HIPK3: variants seen among roughly 807,000 people sequenced by gnomAD.
HIPK3 encodes homeodomain interacting protein kinase 3.
In HIPK3, 47 loss-of-function variants were observed where a neutral mutation model predicts 124.2. The observed-to-expected ratio is 0.38, with a 90% CI of 0.30 to 0.48. The LOEUF (loss-of-function observed/expected upper bound fraction) is 0.48. Among genes scored for constraint, HIPK3 ranks in the 20% least tolerant of loss-of-function variants. HIPK3 has a pLI of 0.98. For missense variants in HIPK3, 1,286 were observed against 1,454.3 expected (o/e 0.88, Z 1.88); for synonymous variants, 482 against 515.2 (o/e 0.94, Z 0.87).
At chr11:33,267,658 TA>T (rs990348691) in intron 1 of HIPK3, among the ~76,000 whole-genome samples, 2 of 151,938 alleles carry the variant, frequency 1.3e-5, no homozygotes, top group Admixed American at 1.3e-4. Flanking sequence ...CACGCCCAGC[TA>T]AAATCTTTTT....
chr11:33,295,274 A>ACC (rs1359081985), intron 2 of HIPK3, among the ~76,000 whole-genome samples: 33 of 104,548 alleles, frequency 3.2e-4, no homozygotes, highest in African/African-American at 4.3e-4. Context: ...AGCAGCCACC[A>ACC]CCGCCCCCCC....
rs1340835303 is a variant in HIPK3, at chr11:33,355,823, A to G, written c.*2255A>G. 1 of 151,784 alleles carries G rather than the reference A, an allele frequency of 6.6e-6. No homozygotes were observed. Among genetic ancestry groups the G allele is most frequent in the Non-Finnish European group, 1.5e-5 (1 of 67,838 alleles). The allele number at this position is 151,784 out of a possible 1,614,324, so 9.4% of individuals were successfully genotyped here. On this transcript the variant is annotated 3_prime_UTR_variant, in exon 17 of 17. Transcript: ENST00000303296. ...TAGTAATTAATTCTATGCATTTTATACAAATAGAAATATATATATATAAAA... is the reference window on the plus strand; with the variant it reads ...TAGTAATTAATTCTATGCATTTTATGCAAATAGAAATATATATATATAAAA...
chr11:33,341,723 A>G (rs532725021), intron 8 of HIPK3, 37 bp downstream of exon 8: 8 of 1,545,220 alleles, frequency 5.2e-6, no homozygotes, highest in African/African-American at 2.8e-5. Context: ...GAATCTAGGC[A>G]TGCTTTATTT....
chr11:33,347,494 T>C, intron 9 of HIPK3, 80 bp downstream of exon 9: 1 of 1,594,776 alleles, frequency 6.3e-7, no homozygotes, highest in Non-Finnish European at 8.6e-7. Flanking sequence ...AGGGATTTAA[T>C]CCATTTTGTA....
chr11:33,311,207 G>C (rs1565078662), intron 2 of HIPK3, among the ~76,000 whole-genome samples: 4 of 151,984 alleles, frequency 2.6e-5, no homozygotes, highest in Admixed American at 1.3e-4. Flanking sequence ...GTTTTTTTGA[G>C]ATGAAGTCTT....
chr11:33,292,484 G>A, intron 2 of HIPK3, among the ~76,000 whole-genome samples: 1 of 152,222 alleles, frequency 6.6e-6, no homozygotes, highest in Non-Finnish European at 1.5e-5. Flanking sequence ...GAGGGGCAGG[G>A]AAGGCTTCTA....
At chr11:33,307,393 A>T (rs1852193002) in intron 2 of HIPK3, among the ~76,000 whole-genome samples, 2 of 146,324 alleles carry the variant, frequency 1.4e-5, no homozygotes, top group South Asian at 2.2e-4. Flanking sequence ...TTGTGTATTT[A>T]TGAAGTGTTT....
At chr11:33,258,802 C>T in intron 1 of HIPK3, 1 of 850,570 alleles carries the variant, frequency 1.2e-6, no homozygotes, top group Non-Finnish European at 1.4e-6. Flanking sequence ...AGTCGTAACA[C>T]GTTCAGGCCT....
chr11:33,264,320 G>A (rs1850901314), intron 1 of HIPK3, among the ~76,000 whole-genome samples: 2 of 152,160 alleles, frequency 1.3e-5, no homozygotes, highest in African/African-American at 4.8e-5. Flanking sequence ...GGATTGCCAA[G>A]GCTGGTGAGA....
At chr11:33,327,697 T>C (rs1171807799) in intron 2 of HIPK3, among the ~76,000 whole-genome samples, 1 of 152,210 alleles carries the variant, frequency 6.6e-6, no homozygotes, top group Admixed American at 6.5e-5. Context: ...GTACTGTTCT[T>C]GCAACTTCTC....
intron 1 of HIPK3, among the ~76,000 whole-genome samples, chr11:33,279,669 A>C (rs562547781): frequency 6.6e-6 from 1 of 152,328 alleles, no homozygotes; most frequent in Admixed American, 6.5e-5. Context: ...TTGGAAAAAT[A>C]AGATGTATAT....
At chr11:33,276,564 G>A (rs992402206) in intron 1 of HIPK3, among the ~76,000 whole-genome samples, 2 of 152,040 alleles carry the variant, frequency 1.3e-5, no homozygotes, top group African/African-American at 2.4e-5. Flanking sequence ...AGGCTTGTAC[G>A]GACTGAACAG....
intron 1 of HIPK3, among the ~76,000 whole-genome samples, chr11:33,274,467 C>G (rs1370785421): frequency 6.6e-6 from 1 of 152,090 alleles, no homozygotes; most frequent in Non-Finnish European, 1.5e-5. Flanking sequence ...TTTACTCTTT[C>G]TAATAGCTCA....
intron 1 of HIPK3, among the ~76,000 whole-genome samples, chr11:33,270,135 G>A (rs961655712): frequency 1.3e-5 from 2 of 151,914 alleles, no homozygotes; most frequent in African/African-American, 4.8e-5. Context: ...ATGCCATGAC[G>A]CCTGGCTAAT....
At chr11:33,276,857 A>T (rs1377085563) in intron 1 of HIPK3, among the ~76,000 whole-genome samples, 1 of 152,000 alleles carries the variant, frequency 6.6e-6, no homozygotes, top group African/African-American at 2.4e-5. Context: ...GGTGTGCACC[A>T]CTACACCCAG....
At chr11:33,339,968 C>T (rs997309074) in intron 6 of HIPK3, among the ~76,000 whole-genome samples, 1 of 152,042 alleles carries the variant, frequency 6.6e-6, no homozygotes, top group Non-Finnish European at 1.5e-5. Context: ...TTTTCTCCTG[C>T]ATTTTGAAGA....
chr11:33,302,669 G>A (rs563303910), intron 2 of HIPK3, among the ~76,000 whole-genome samples: 57 of 152,052 alleles, frequency 3.7e-4, no homozygotes, highest in Non-Finnish European at 7.1e-4. Context: ...AAACCAGTGC[G>A]TTTGATTCAA....
chr11:33,274,487 ATTG>A (rs898486332), intron 1 of HIPK3, among the ~76,000 whole-genome samples: 4 of 152,140 alleles, frequency 2.6e-5, no homozygotes, highest in Non-Finnish European at 5.9e-5. Context: ...ATTGGTAGAT[ATTG>A]GGCGTTGTAT....
At chr11:33,327,841 C>G (rs976419907) in intron 2 of HIPK3, among the ~76,000 whole-genome samples, 2 of 152,092 alleles carry the variant, frequency 1.3e-5, no homozygotes, top group Non-Finnish European at 2.9e-5. Context: ...CAAGGGAAAT[C>G]CATATGAAGG....
Sources: gnomAD v4.1 joint callset for allele counts (sites outside exome capture counted in the v4.1 genomes callset) on GRCh38, gnomAD v4.1.1 for gene constraint, MANE v1.5 for transcripts, NCBI Gene and HGNC (gene_info 2026-07-23, HGNC 2026-07-21) for gene names.